GRIP2: variants seen among roughly 807,000 people sequenced by gnomAD.
GRIP2 encodes the protein glutamate receptor interacting protein 2.
GRIP2 carries 58 observed loss-of-function variants against 108.3 expected under a neutral mutation model. The ratio of observed to expected loss-of-function variants is 0.54; its 90% CI spans 0.43 to 0.67. The LOEUF (loss-of-function observed/expected upper bound fraction) is 0.67, where lower values mean the gene tolerates loss of function less well. Ranked by LOEUF, GRIP2 falls within the 30% of genes least tolerant of loss-of-function variation. The pLI is 0.00. For missense variants in GRIP2, 1,278 were observed against 1,430.6 expected (o/e 0.89, Z 1.72); for synonymous variants, 586 against 598.2 (o/e 0.98, Z 0.30).
At chr3:14,597,954 T>C in the GRIP2 span, among the ~76,000 whole-genome samples, 3 of 152,174 alleles carry the variant, frequency 2.0e-5, no homozygotes, top group African/African-American at 7.2e-5. Context: ...AAAGATTCCT[T>C]CCAAAGTCTA....
the GRIP2 span, among the ~76,000 whole-genome samples, chr3:14,594,218 A>G: frequency 6.6e-6 from 1 of 152,146 alleles, no homozygotes; most frequent in African/African-American, 2.4e-5. Flanking sequence ...TCCCTCTCCC[A>G]GGGTAGCAGG....
chr3:14,521,374 A>G lies in GRIP2; in HGVS notation c.712+268T>C. 2.4e-6 allele frequency: 1 copy of G among 411,942 alleles called. No homozygotes were observed. The highest frequency in any genetic ancestry group is 4.3e-6 in the Non-Finnish European group (1 of 234,194). The allele number at this position is 411,942 out of a possible 1,614,324, so 25.5% of individuals were successfully genotyped here. On this transcript the variant is annotated intron_variant, in intron 7 of 23. Transcript: ENST00000621039. The surrounding 1 kb of genome is among the most constrained non-coding windows in gnomAD (Gnocchi z 5.1). ...CACTTATTGCCAACTGACATACACC[A>G]TATCTTATCTATTCTGGATACTGTC...
Position 14,525,548 on chromosome 3 carries a change from A to G in GRIP2, c.146T>C (p.Val49Ala), listed in dbSNP as rs750302594. 6 of 1,613,490 alleles carry G rather than the reference A, an allele frequency of 3.7e-6. No homozygotes were observed. Among genetic ancestry groups the G allele is most frequent in the Non-Finnish European group, 5.1e-6 (6 of 1,179,818 alleles). ...IPEEFRGITV[V>A]ELIKKEGSTL... ...GCTGCCTTCTTTCTTGATCAGCTCC[A>G]CCACAGTGATCCCTCGGAACTCCTC... The change falls in exon 3 of 24, where the codon GTG becomes GCG. Residue 49 changes from valine to alanine, a missense_variant. By Grantham distance (64) the Val-to-Ala change is moderately conservative. Transcript: ENST00000621039.
At chr3:14,554,315 A>C (rs1391949286) in intron 1 of GRIP2, among the ~76,000 whole-genome samples, 1 of 152,178 alleles carries the variant, frequency 6.6e-6, no homozygotes, top group Non-Finnish European at 1.5e-5. Context: ...CACAGCATTT[A>C]GTAGGCTGCT....
In GRIP2 at chr3:14,517,952, A is replaced by G. The variant is rs530625004; in HGVS notation, c.1031-55T>C. ...GGTGCAGGCGTTAGTGGCTGAGGGC[A>G]CTATGAAGCCAGGAAAGCAAGAACC... On this transcript the variant is annotated intron_variant, in intron 9 of 23. Transcript: ENST00000621039. The G allele has an allele frequency of 2.5e-4, 363 of 1,470,862 alleles. No homozygotes were observed. In the African/African-American group the frequency reaches 4.7e-3, roughly 19 times the overall value. 91.1% of individuals were successfully genotyped at this position (1,470,862 alleles called of 1,614,324 possible). A position where few individuals can be genotyped will look rare whatever the true frequency, so the allele number is the denominator to read the frequency against.
At chr3:14,495,822 G>A (rs576166678) in intron 22 of GRIP2, among the ~76,000 whole-genome samples, 39 of 152,308 alleles carry the variant, frequency 2.6e-4, no homozygotes, top group African/African-American at 9.1e-4. Flanking sequence ...GGGTTTATAT[G>A]TTATATGTAA....
In GRIP2 at chr3:14,489,726, C is replaced by T. The variant is rs1364612794; in HGVS notation, c.*3939G>A. ...CACCAGGATGATTGGAGGTGATGCT[C>T]TTGGCCTTAGGTGCTCACCTGCTGC... is the stretch of plus-strand genomic sequence containing the variant. On this transcript the variant is annotated 3_prime_UTR_variant, in exon 24 of 24. Transcript: ENST00000621039. 1.3e-5 allele frequency: 2 copies of T among 152,296 alleles called. No individual in the cohort carries two copies. The highest frequency in any genetic ancestry group is 2.9e-5 in the Non-Finnish European group (2 of 68,110). 9.4% of individuals were successfully genotyped at this position (152,296 alleles called of 1,614,324 possible). A position where few individuals can be genotyped will look rare whatever the true frequency, so the allele number is the denominator to read the frequency against.
At chr3:14,528,785 G>C (rs1209824565) in intron 1 of GRIP2, among the ~76,000 whole-genome samples, 1 of 152,076 alleles carries the variant, frequency 6.6e-6, no homozygotes, top group South Asian at 2.1e-4. Flanking sequence ...ATGAGGTTGG[G>C]CACTTTTTTT....
rs1332670709 is a variant in GRIP2 at position 14,511,655 on chromosome 3, C to G, written c.1721-176G>C. Among the ~76,000 whole-genome samples the G allele has an allele frequency of 6.6e-6, 1 of 152,174 alleles. No individual in the cohort carries two copies. Among genetic ancestry groups the G allele is most frequent in the African/African-American group, 2.4e-5 (1 of 41,434 alleles). ...AGCTCACCTCCCTGTGCATCAGTTTCCCCCCTGTAAAATGGGGGTGGCACC... is the reference window on the plus strand; with the variant it reads ...AGCTCACCTCCCTGTGCATCAGTTTGCCCCCTGTAAAATGGGGGTGGCACC... On this transcript the variant is annotated intron_variant, in intron 14 of 23. Coordinates refer to ENST00000621039, the MANE Select transcript of GRIP2 (RefSeq NM_001080423.4). The surrounding 1 kb of genome is among the most constrained non-coding windows in gnomAD (Gnocchi z 4.1).
intron 21 of GRIP2, among the ~76,000 whole-genome samples, chr3:14,501,298 A>C (rs1052287239): frequency 5.3e-5 from 8 of 152,230 alleles, no homozygotes; most frequent in African/African-American, 1.9e-4. Context: ...AACACTGTGA[A>C]TATAACAAAA....
chr3:14,563,462 C>T, the GRIP2 span, among the ~76,000 whole-genome samples: 1,125 of 149,884 alleles, frequency 7.5e-3, 11 homozygotes, highest in Non-Finnish European at 9.9e-3. Flanking sequence ...CCTTGGTGGG[C>T]GGGGGCTGGG....
rs973262839 is a variant in GRIP2 at position 14,505,778 on chromosome 3, G to A, written c.2410C>T (p.Pro804Ser). 1.3e-6 allele frequency: 2 copies of A among 1,553,338 alleles called. No homozygotes were observed. The highest frequency in any genetic ancestry group is 2.3e-5 in the East Asian group (1 of 43,042). ...GGFGGPGSYTPQAAARGTTPQ... is the reference protein window; with the variant it reads ...GGFGGPGSYTSQAAARGTTPQ... ...GTCGTGCCCCGGGCTGCTGCCTGTG[G>A]TGTATAGGACCCTGGTGGTGGAGAG... Residue 804 changes from proline (P) to serine (S), a missense_variant, in exon 20 of 24, where the codon CCA (proline) becomes TCA (serine). Physicochemically the swap from Pro to Ser is moderately conservative, Grantham distance 74. Coordinates refer to ENST00000621039, the MANE Select transcript of GRIP2 (RefSeq NM_001080423.4). This position sits in a 1 kb window ranked among gnomAD's most constrained non-coding sequence, Gnocchi z 4.2.
At chr3:14,580,684 A>T in the GRIP2 span, among the ~76,000 whole-genome samples, 1 of 152,268 alleles carries the variant, frequency 6.6e-6, no homozygotes, top group Non-Finnish European at 1.5e-5. Context: ...CCTGGGCCAC[A>T]GAATGAGACC....
intron 22 of GRIP2, among the ~76,000 whole-genome samples, chr3:14,495,381 A>G (rs1461365038): frequency 6.6e-6 from 1 of 151,778 alleles, no homozygotes; most frequent in Non-Finnish European, 1.5e-5. Context: ...GTCCTCCTCC[A>G]TATCTTTTTT....
the GRIP2 span, among the ~76,000 whole-genome samples, chr3:14,593,353 G>A: frequency 6.6e-6 from 1 of 152,200 alleles, no homozygotes; most frequent in African/African-American, 2.4e-5. Context: ...CAGGCCTAGG[G>A]GCCTCCCCAC....
At position 14,491,109 on chromosome 3, in the gene GRIP2, A is replaced by T. The variant is rs1211556215; in HGVS notation, c.*2556T>A. ...AAGCAGGTGAGATGTCACCAGACCCATACAGAAGCTGACTCTTGCCAATCC... is the reference window on the plus strand; with the variant it reads ...AAGCAGGTGAGATGTCACCAGACCCTTACAGAAGCTGACTCTTGCCAATCC... On this transcript the variant is annotated 3_prime_UTR_variant, in exon 24 of 24. Transcript: ENST00000621039. 1 of 152,222 alleles carries T rather than the reference A, an allele frequency of 6.6e-6. No homozygotes were observed. The highest frequency in any genetic ancestry group is 6.5e-5 in the Admixed American group (1 of 15,290). 9.4% of individuals were successfully genotyped at this position (152,222 alleles called of 1,614,324 possible).
rs1701382638 is a variant in GRIP2 at position 14,493,547 on chromosome 3, C to G, written c.*118G>C. 5 of 1,207,916 alleles carry G rather than the reference C, an allele frequency of 4.1e-6. No individual in the cohort carries two copies. Among genetic ancestry groups the G allele is most frequent in the Non-Finnish European group, 5.7e-6 (5 of 884,638 alleles). The allele number at this position is 1,207,916 out of a possible 1,614,324, so 74.8% of individuals were successfully genotyped here. On this transcript the variant is annotated 3_prime_UTR_variant, in exon 24 of 24. Coordinates refer to ENST00000621039, the MANE Select transcript of GRIP2 (RefSeq NM_001080423.4). ...CAGAGACCAAGCATCATCCCAGGCT[C>G]AGAGTCTGCCAGACCAACAGATGAA...
chr3:14,507,116 A>C lies in GRIP2; in HGVS notation c.2219-136T>G. The C allele has an allele frequency of 1.2e-6, 1 of 830,968 alleles. No homozygotes were observed. Among genetic ancestry groups the C allele is most frequent in the Non-Finnish European group, 1.9e-6 (1 of 534,898 alleles). 51.5% of individuals were successfully genotyped at this position (830,968 alleles called of 1,614,324 possible). On this transcript the variant is annotated intron_variant, in intron 18 of 23. Transcript: ENST00000621039. The surrounding 1 kb of genome is among the most constrained non-coding windows in gnomAD (Gnocchi z 4.6). ...TGACATATGACCATGGCACACTAAT[A>C]AGCAAACCTGTTTCACAGATGGGAA...
intron 1 of GRIP2, among the ~76,000 whole-genome samples, chr3:14,538,507 C>T (rs1299218324): frequency 1.3e-5 from 2 of 152,186 alleles, no homozygotes; most frequent in East Asian, 3.8e-4. Flanking sequence ...GAGCAAGCTA[C>T]GAAGAGACCC....
Sources: gnomAD v4.1 joint callset for allele counts (sites outside exome capture counted in the v4.1 genomes callset) on GRCh38, gnomAD v4.1.1 for gene constraint, Gnocchi (gnomAD v3.1) non-coding constraint, MANE v1.5 for transcripts, NCBI Gene and HGNC (gene_info 2026-07-23, HGNC 2026-07-21) for gene names.